The following FAM120C variants were observed in gnomAD, a reference collection of about 807,000 sequenced individuals.
The protein encoded by FAM120C is constitutive coactivator of PPAR-gamma-like protein 2.
FAM120C carries 14 observed loss-of-function variants against 71.2 expected under a neutral mutation model. That is an observed-to-expected ratio of 0.20 (90% confidence interval 0.13 to 0.31). FAM120C has a LOEUF of 0.31. Among genes scored for constraint, FAM120C ranks in the 10% least tolerant of loss-of-function variants. The probability of loss-of-function intolerance (pLI) is 1.00; values close to 1 mark genes in which losing one functional copy is unlikely to be tolerated. For missense variants in FAM120C, 500 were observed against 879.0 expected, an observed-to-expected ratio of 0.57 and a Z score of 5.45; for synonymous variants, 354 against 353.2, an observed-to-expected ratio of 1.00 and a Z score of -0.03.
intron 1 of FAM120C, among the ~76,000 whole-genome samples, chrX:54,179,529 A>G (rs912265151): frequency 1.1e-4 from 12 of 112,034 alleles, no homozygotes; most frequent in Non-Finnish European, 2.1e-4. Context: ...AATACTTTCA[A>G]GTCTGTGCTA....
At position 54,174,666 on chromosome X, in the gene FAM120C, T is replaced by C. The variant is rs139071736; in HGVS notation, c.699+7834A>G. ...TAATCATTCAATTCATTCAACTAGA[T>C]GATGCCTTAATATTCAGTCCAAGTG... On this transcript the variant is annotated intron_variant, in intron 1 of 15. Transcript: ENST00000375180. Among the ~76,000 whole-genome samples, 729 of 112,630 alleles carry C rather than the reference T, an allele frequency of 6.5e-3. 9 individuals carry two copies. Among genetic ancestry groups the C allele is most frequent in the African/African-American group, 0.022 (682 of 31,041 alleles).
intron 9 of FAM120C, 150 bp downstream of exon 9, chrX:54,132,542 G>A (rs1359681670): frequency 6.9e-6 from 3 of 432,778 alleles, no homozygotes; most frequent in Non-Finnish European, 1.2e-5. Context: ...TGGGGCTTAA[G>A]TTAATGTATT....
At chrX:54,181,291 G>C (rs1377248682) in intron 1 of FAM120C, among the ~76,000 whole-genome samples, 3 of 110,938 alleles carry the variant, frequency 2.7e-5, no homozygotes, top group Non-Finnish European at 5.7e-5. Context: ...TAACTGTAAG[G>C]ACAACCCCCA....
At chrX:54,141,991 T>C (rs782379714) in intron 4 of FAM120C, among the ~76,000 whole-genome samples, 39 of 112,092 alleles carry the variant, frequency 3.5e-4, no homozygotes, top group Non-Finnish European at 6.8e-4. Flanking sequence ...ATAATATTCA[T>C]GGATTCAAAG....
intron 3 of FAM120C, among the ~76,000 whole-genome samples, chrX:54,152,924 G>A (rs1214484994): frequency 5.4e-5 from 6 of 111,360 alleles, no homozygotes; most frequent in South Asian, 3.8e-4. Flanking sequence ...GGCTGGGCGC[G>A]GTGACCCATG....
chrX:54,116,664 T>C lies in FAM120C; in HGVS notation c.2193A>G (p.Ala731=). ...GCATCCTTCTGTTCTTGTCTTCAAC[T>C]GCTTTGCCTAGCCAGAGCTTCTTGA... ...PNLKKLWLGK[A]VEDKNRRMRA... The change falls in exon 10 of 16, where the codon GCA becomes GCG. Residue 731 remains alanine, a synonymous_variant. Coordinates refer to ENST00000375180, the MANE Select transcript of FAM120C (RefSeq NM_017848.6). The C allele has an allele frequency of 2.5e-6, 3 of 1,211,808 alleles. No homozygotes were observed. Among genetic ancestry groups the C allele is most frequent in the Non-Finnish European group, 3.3e-6 (3 of 895,569 alleles).
rs1378054883 is a variant in FAM120C, at chrX:54,136,709, A to G, written c.1159-119T>C. On this transcript the variant is annotated intron_variant, in intron 4 of 15. Transcript: ENST00000375180. ...ATCAAATATTTAAAGAAACCTAAGA[A>G]AGCAAATTTTCGCTTTGCAGACAAG... is the stretch of plus-strand genomic sequence containing the variant. 1.1e-5 allele frequency: 6 copies of G among 528,364 alleles called. No individual in the cohort carries two copies. The East Asian group carries it at 2.2e-4, about 19-fold the overall frequency. 43.5% of individuals were successfully genotyped at this position (528,364 alleles called of 1,213,427 possible). A position where few individuals can be genotyped will look rare whatever the true frequency, so the allele number is the denominator to read the frequency against.
chrX:54,091,210 G>T, intron 11 of FAM120C, 102 bp downstream of exon 11: 1 of 509,703 alleles, frequency 2.0e-6, no homozygotes, highest in Non-Finnish European at 3.3e-6. Context: ...ACAGTTACCT[G>T]CAGAACTTAC....
At position 54,086,020 on chromosome X, in the gene FAM120C, C is replaced by A. The variant is rs1376251468; in HGVS notation, c.2638-104G>T. 1.4e-5 allele frequency: 10 copies of A among 701,837 alleles called. No individual in the cohort carries two copies. In the Admixed American group the frequency reaches 2.2e-4, roughly 15 times the overall value. The allele number at this position is 701,837 out of a possible 1,213,427, so 57.8% of individuals were successfully genotyped here. On this transcript the variant is annotated intron_variant, in intron 12 of 15. Coordinates refer to ENST00000375180, the MANE Select transcript of FAM120C (RefSeq NM_017848.6). ...CTAGGTACAGTCTCACAATTCTATT[C>A]CCATTAAGTGAACTGAGGCCTGTCG...
intron 10 of FAM120C, among the ~76,000 whole-genome samples, chrX:54,096,373 T>C (rs1314442790): frequency 2.7e-5 from 3 of 111,311 alleles, no homozygotes; most frequent in Non-Finnish European, 3.8e-5. Context: ...ATCATGCCAC[T>C]GCACTCCAGA....
At chrX:54,139,652 T>C (rs1557131301) in intron 4 of FAM120C, among the ~76,000 whole-genome samples, 1 of 110,684 alleles carries the variant, frequency 9.0e-6, no homozygotes, top group Non-Finnish European at 1.9e-5. Flanking sequence ...CTGCTTTTAT[T>C]TTTAAATTTT....
At chrX:54,133,567 C>T (rs1316297116) in intron 8 of FAM120C, among the ~76,000 whole-genome samples, 3 of 112,065 alleles carry the variant, frequency 2.7e-5, no homozygotes, top group Non-Finnish European at 5.6e-5. Flanking sequence ...CACTTCTCTT[C>T]TAGGGGACTC....
intron 1 of FAM120C, among the ~76,000 whole-genome samples, chrX:54,170,198 G>A (rs781918206): frequency 6.7e-4 from 74 of 111,247 alleles, no homozygotes; most frequent in African/African-American, 2.3e-3. Flanking sequence ...GTGCAATGAC[G>A]TGGTCTTGGC....
chrX:54,148,920 C>T (rs948518861), intron 4 of FAM120C, among the ~76,000 whole-genome samples: 6 of 111,467 alleles, frequency 5.4e-5, no homozygotes, highest in Admixed American at 9.6e-5. Flanking sequence ...TTTCAAAACA[C>T]GTTGTATGCA....
Position 54,135,751 on chromosome X carries a change from TTACA to T in FAM120C, c.1259-151_1259-148del, listed in dbSNP as rs781989180. 12 of 433,598 alleles carry T rather than the reference TTACA, an allele frequency of 2.8e-5. No homozygotes were observed. In the South Asian group the frequency reaches 4.8e-4, roughly 18 times the overall value. 35.7% of individuals were successfully genotyped at this position (433,598 alleles called of 1,213,427 possible). On this transcript the variant is annotated intron_variant, in intron 5 of 15. Coordinates refer to ENST00000375180, the MANE Select transcript of FAM120C (RefSeq NM_017848.6). Reference sequence around the variant, plus strand: ...GCTACTATGTGCCATGCTGAGAACCTTACATAAATTATTTCATCTGATAAGAATC... The same window carrying T: ...GCTACTATGTGCCATGCTGAGAACCTTAAATTATTTCATCTGATAAGAATC...
At chrX:54,113,552 T>G (rs2070595620) in intron 10 of FAM120C, among the ~76,000 whole-genome samples, 1 of 108,471 alleles carries the variant, frequency 9.2e-6, no homozygotes, top group Non-Finnish European at 1.9e-5. Context: ...GAAATAAGAG[T>G]AAACAAACAA....
At chrX:54,116,894 T>C in intron 9 of FAM120C, 100 bp from the exon 10 acceptor site, 1 of 989,831 alleles carries the variant, frequency 1.0e-6, no homozygotes, top group East Asian at 3.1e-5. Context: ...ATTTCAACTC[T>C]TAATTTTCTG....
At chrX:54,152,814 C>T (rs1310677110) in intron 3 of FAM120C, among the ~76,000 whole-genome samples, 1 of 112,325 alleles carries the variant, frequency 8.9e-6, no homozygotes, top group Admixed American at 9.5e-5. Context: ...GTGAACAAGA[C>T]AGACAAAAAT....
intron 10 of FAM120C, among the ~76,000 whole-genome samples, chrX:54,098,560 T>C (rs1443088127): frequency 8.9e-6 from 1 of 111,961 alleles, no homozygotes; most frequent in Non-Finnish European, 1.9e-5. Context: ...TTGTTATGAT[T>C]TGCATTTCCC....
Sources: gnomAD v4.1 joint callset for allele counts (sites outside exome capture counted in the v4.1 genomes callset) on GRCh38, gnomAD v4.1.1 for gene constraint, MANE v1.5 for transcripts, NCBI Gene and HGNC (gene_info 2026-07-23, HGNC 2026-07-21) for gene names.